Variants in ARHGEF10L observed in about 807,000 individuals in gnomAD.
ARHGEF10L encodes the protein Rho guanine nucleotide exchange factor 10 like, also known as rho guanine nucleotide exchange factor 10-like protein.
Under a neutral mutation model 141.2 loss-of-function variants are expected in ARHGEF10L, and 69 were observed. That is an observed-to-expected ratio of 0.49 (90% CI 0.40 to 0.60). ARHGEF10L has a LOEUF of 0.60. Among genes scored for constraint, ARHGEF10L ranks in the 20% least tolerant of loss-of-function variants. ARHGEF10L has a pLI of 0.00. For missense variants in ARHGEF10L, 1,482 were observed against 1,734.3 expected (o/e 0.85, Z 2.58); for synonymous variants, 711 against 718.5 (o/e 0.99, Z 0.17).
intron 8 of ARHGEF10L, among the ~76,000 whole-genome samples, chr1:17,614,255 C>A (rs185930044): frequency 6.6e-6 from 1 of 152,292 alleles, no homozygotes; most frequent in Non-Finnish European, 1.5e-5. Flanking sequence ...TTCACAGATA[C>A]CCGCGAGAGG....
intron 14 of ARHGEF10L, among the ~76,000 whole-genome samples, chr1:17,626,967 C>T (rs941143101): frequency 1.3e-5 from 2 of 152,236 alleles, no homozygotes; most frequent in African/African-American, 2.4e-5. Flanking sequence ...CTGAATAATA[C>T]GCCATTGTAT....
At chr1:17,586,292 T>C (rs2079018413) in intron 2 of ARHGEF10L, among the ~76,000 whole-genome samples, 1 of 152,206 alleles carries the variant, frequency 6.6e-6, no homozygotes, top group Non-Finnish European at 1.5e-5. Flanking sequence ...AGTGACTTGC[T>C]CAGAACCACA....
chr1:17,642,376 G>T (rs947917756), intron 21 of ARHGEF10L, among the ~76,000 whole-genome samples: 1 of 152,268 alleles, frequency 6.6e-6, no homozygotes, highest in Non-Finnish European at 1.5e-5. Context: ...GAAGGGGAGG[G>T]AGGTAGGTGG....
At chr1:17,564,013 A>G (rs1356159284) in intron 1 of ARHGEF10L, among the ~76,000 whole-genome samples, 2 of 152,230 alleles carry the variant, frequency 1.3e-5, no homozygotes, top group Non-Finnish European at 2.9e-5. Context: ...TCAAGGAGCC[A>G]GGTTGGGAGA....
chr1:17,690,074 G>A (rs991850888), intron 27 of ARHGEF10L, among the ~76,000 whole-genome samples: 2 of 152,248 alleles, frequency 1.3e-5, no homozygotes, highest in African/African-American at 4.8e-5. Context: ...TGACTGGTCT[G>A]CTATCGCAGT....
Position 17,667,914 on chromosome 1 carries a change from C to T in ARHGEF10L, c.3009+3319C>T, listed in dbSNP as rs571352502. Among the ~76,000 whole-genome samples the T allele has an allele frequency of 1.3e-4, 20 of 152,322 alleles. No individual in the cohort carries two copies. The East Asian group carries it at 2.5e-3, about 19-fold the overall frequency. On this transcript the variant is annotated intron_variant, in intron 26 of 28. Transcript: ENST00000361221. ...CACTTCCAACTCCGGGCAGCTGGCACCCTACCCCCTTGGAGGTGTGCAGTT... is the reference window on the plus strand; with the variant it reads ...CACTTCCAACTCCGGGCAGCTGGCATCCTACCCCCTTGGAGGTGTGCAGTT...
At chr1:17,559,068 G>A (rs189076995) in intron 1 of ARHGEF10L, among the ~76,000 whole-genome samples, 191 of 152,332 alleles carry the variant, frequency 1.3e-3, no homozygotes, top group Non-Finnish European at 2.4e-3. Context: ...AGTGGTGGAT[G>A]CTGTGGCAGC....
Position 17,640,209 on chromosome 1 carries a change from C to T in ARHGEF10L, c.2179C>T (p.Arg727Cys), listed in dbSNP as rs748277197. 14 of 1,611,270 alleles carry T rather than the reference C, an allele frequency of 8.7e-6. No individual in the cohort carries two copies. Among genetic ancestry groups the T allele is most frequent in the South Asian group, 4.4e-5 (4 of 90,326 alleles). Residue 727 changes from arginine (R) to cysteine (C), a missense_variant, in exon 21 of 29, where the codon CGC becomes TGC. Arg to Cys is a radical substitution (Grantham distance 180). This residue lies in a region of ARHGEF10L where 858 missense variants were observed against 966.3 expected (regional missense o/e 0.89). Transcript: ENST00000361221. ...TAACCCTTCTCACCACAGGTCCGGCCGCCCCATTAGCTTCATGGTGGTTTT... is the reference window on the plus strand; with the variant it reads ...TAACCCTTCTCACCACAGGTCCGGCTGCCCCATTAGCTTCATGGTGGTTTT... ...LLPGKPDKSG[R>C]PISFMVVFIT... is the part of the protein sequence containing the mutation.
chr1:17,530,969 C>T, the ARHGEF10L span, among the ~76,000 whole-genome samples: 1 of 151,596 alleles, frequency 6.6e-6, no homozygotes, highest in Non-Finnish European at 1.5e-5. Context: ...CGTGCCACTG[C>T]ACTCCAGCCT....
intron 16 of ARHGEF10L, 69 bp from the exon 17 acceptor site, chr1:17,634,479 G>C (rs1557883841): frequency 6.2e-7 from 1 of 1,613,878 alleles, no homozygotes; most frequent in Non-Finnish European, 8.5e-7. Flanking sequence ...CCCCAGCGGG[G>C]TCACAGCCCC....
chr1:17,546,705 T>C (rs1262112490), intron 1 of ARHGEF10L, among the ~76,000 whole-genome samples: 6 of 152,196 alleles, frequency 3.9e-5, no homozygotes, highest in African/African-American at 1.4e-4. Context: ...TATGTTTTTT[T>C]AATTCAGTGT....
chr1:17,583,199 A>AT (rs1169628203), intron 2 of ARHGEF10L, among the ~76,000 whole-genome samples: 5 of 72,466 alleles, frequency 6.9e-5, no homozygotes, highest in African/African-American at 6.4e-5. Context: ...AGTGAGCTTC[A>AT]TTTAAAAAAA....
At chr1:17,515,429 G>C in the ARHGEF10L span, among the ~76,000 whole-genome samples, 1 of 151,892 alleles carries the variant, frequency 6.6e-6, no homozygotes, top group Non-Finnish European at 1.5e-5. Context: ...GAGTAGCTGG[G>C]ATTATAGGCG....
chr1:17,580,462 G>A, intron 1 of ARHGEF10L, 91 bp from the exon 2 acceptor site: 3 of 1,156,722 alleles, frequency 2.6e-6, no homozygotes, highest in Non-Finnish European at 3.8e-6. Context: ...CCACTGGGCT[G>A]AAGCACAGGT....
Position 17,607,623 on chromosome 1 carries a change from G to A in ARHGEF10L, c.434-179G>A, listed in dbSNP as rs1213113060. On this transcript the variant is annotated intron_variant, in intron 6 of 28. Transcript: ENST00000361221. The surrounding 1 kb of genome is among the most constrained non-coding windows in gnomAD (Gnocchi z 4.5). Reference sequence around the variant, plus strand: ...CTCAGGCCCTCCTTGCCCTACGAGGGGGAAAATGTATTATCATCTTCGTTT... The same window carrying A: ...CTCAGGCCCTCCTTGCCCTACGAGGAGGAAAATGTATTATCATCTTCGTTT... Among the ~76,000 whole-genome samples the A allele has an allele frequency of 6.6e-6, 1 of 152,200 alleles. No homozygotes were observed. The highest frequency in any genetic ancestry group is 2.1e-4 in the South Asian group (1 of 4,828).
chr1:17,568,372 C>T (rs1426271298), intron 1 of ARHGEF10L, among the ~76,000 whole-genome samples: 2 of 152,134 alleles, frequency 1.3e-5, no homozygotes, highest in Admixed American at 1.3e-4. Context: ...AACCAGGGAT[C>T]GGAGCAGTGG....
chr1:17,655,829 C>A, intron 23 of ARHGEF10L, 50 bp from the exon 24 acceptor site: 2 of 1,511,958 alleles, frequency 1.3e-6, no homozygotes, highest in East Asian at 2.5e-5. Context: ...TCCTCCTCTG[C>A]TCCCTCCTGT....
At chr1:17,635,395 G>T (rs766167614) in intron 18 of ARHGEF10L, among the ~76,000 whole-genome samples, 32 of 152,164 alleles carry the variant, frequency 2.1e-4, no homozygotes, top group Non-Finnish European at 4.4e-4. Context: ...ATCAGTGCAC[G>T]TCATCCCGCC....
At chr1:17,515,148 G>A in the ARHGEF10L span, among the ~76,000 whole-genome samples, 1 of 152,124 alleles carries the variant, frequency 6.6e-6, no homozygotes, top group African/African-American at 2.4e-5. Context: ...CTCAATGGGG[G>A]GCAACTTGTC....
Sources: gnomAD v4.1 joint callset for allele counts (sites outside exome capture counted in the v4.1 genomes callset) on GRCh38, gnomAD v4.1.1 for gene constraint, gnomAD v4.1.1 regional missense constraint, Gnocchi (gnomAD v3.1) non-coding constraint, MANE v1.5 for transcripts, NCBI Gene and HGNC (gene_info 2026-07-23, HGNC 2026-07-21) for gene names.